Variants in MAP4K4 observed in about 807,000 individuals in gnomAD.
The protein encoded by MAP4K4 is HPK/GCK-like kinase HGK.
MAP4K4 carries 38 observed loss-of-function variants against 189.6 expected under a neutral mutation model. That is an observed-to-expected ratio of 0.20 (90% CI 0.15 to 0.26). The LOEUF is 0.26. Ranked by LOEUF, MAP4K4 falls within the 10% of genes least tolerant of loss-of-function variation. The pLI, the probability that MAP4K4 is intolerant of heterozygous loss-of-function variation, is 1.00. For missense variants in MAP4K4, 1,054 were observed against 1,726.9 expected (o/e 0.61, Z 6.91); for synonymous variants, 610 against 624.3 (o/e 0.98, Z 0.34).
chr2:101,870,588 C>A, intron 23 of MAP4K4, 173 bp downstream of exon 23: 1 of 778,584 alleles, frequency 1.3e-6, no homozygotes, highest in Non-Finnish European at 2.0e-6. Context: ...GTACTGCATG[C>A]CCAGAAGGTA....
intron 10 of MAP4K4, among the ~76,000 whole-genome samples, chr2:101,841,060 T>A (rs571975500): frequency 6.6e-6 from 1 of 152,324 alleles, no homozygotes; most frequent in Non-Finnish European, 1.5e-5. Flanking sequence ...TGACTTGACT[T>A]AGTAATAATA....
chr2:101,844,387 GA>G, intron 12 of MAP4K4, 76 bp downstream of exon 12: 31 of 1,207,986 alleles, frequency 2.6e-5, no homozygotes, highest in Non-Finnish European at 3.5e-5. Context: ...CCACTCAGAG[GA>G]ATATCCTCTG....
intron 2 of MAP4K4, among the ~76,000 whole-genome samples, chr2:101,779,879 G>A (rs1397984340): frequency 1.3e-5 from 2 of 151,760 alleles, no homozygotes; most frequent in African/African-American, 4.8e-5. Context: ...TACAGCATAG[G>A]CAAATTAAGA....
chr2:101,709,477 A>G (rs906001990), intron 2 of MAP4K4, among the ~76,000 whole-genome samples: 1 of 152,234 alleles, frequency 6.6e-6, no homozygotes, highest in Non-Finnish European at 1.5e-5. Context: ...TGCTGGGATT[A>G]CAGGCGTGAG....
intron 2 of MAP4K4, among the ~76,000 whole-genome samples, chr2:101,714,513 A>G (rs1045968406): frequency 2.6e-5 from 4 of 152,230 alleles, no homozygotes; most frequent in Admixed American, 2.6e-4. Context: ...ATTATGTTAT[A>G]TAACTAATCA....
chr2:101,773,871 A>G (rs1220030976), intron 2 of MAP4K4, among the ~76,000 whole-genome samples: 10 of 152,204 alleles, frequency 6.6e-5, no homozygotes, highest in Non-Finnish European at 1.3e-4. Context: ...TTCGCTTAAC[A>G]TAGTGATCTC....
At chr2:101,806,571 G>A (rs889357513) in intron 3 of MAP4K4, among the ~76,000 whole-genome samples, 2 of 151,996 alleles carry the variant, frequency 1.3e-5, no homozygotes, top group African/African-American at 2.4e-5. Context: ...GTAGAGACAG[G>A]GTTTTATCAT....
intron 2 of MAP4K4, among the ~76,000 whole-genome samples, chr2:101,699,926 A>G (rs2037335728): frequency 6.6e-6 from 1 of 152,208 alleles, no homozygotes; most frequent in Admixed American, 6.5e-5. Context: ...ATTTTGGAAA[A>G]GATTGTGTTG....
intron 22 of MAP4K4, 159 bp from the exon 23 acceptor site, chr2:101,870,136 C>A (rs1361042884): frequency 5.6e-6 from 4 of 715,038 alleles, no homozygotes; most frequent in Non-Finnish European, 8.9e-6. Context: ...GAAAGAAATT[C>A]TTTGTTAAAG....
At chr2:101,865,316 A>T (rs1251201937) in intron 18 of MAP4K4, among the ~76,000 whole-genome samples, 1 of 152,152 alleles carries the variant, frequency 6.6e-6, no homozygotes, top group Non-Finnish European at 1.5e-5. Flanking sequence ...GAAGGGGGAG[A>T]AGTTCTAAGA....
intron 32 of MAP4K4, among the ~76,000 whole-genome samples, chr2:101,890,527 G>A (rs1296977189): frequency 1.3e-5 from 2 of 152,126 alleles, no homozygotes; most frequent in Non-Finnish European, 2.9e-5. Context: ...CGTGATCTCG[G>A]CTCACTGCAA....
At chr2:101,816,168 C>A (rs1286561402) in intron 3 of MAP4K4, among the ~76,000 whole-genome samples, 1 of 152,162 alleles carries the variant, frequency 6.6e-6, no homozygotes, top group African/African-American at 2.4e-5. Context: ...GGTCACTGCC[C>A]TTATGGCCTG....
At chr2:101,846,185 T>G (rs1045068448) in intron 12 of MAP4K4, among the ~76,000 whole-genome samples, 2 of 152,226 alleles carry the variant, frequency 1.3e-5, no homozygotes, top group African/African-American at 2.4e-5. Flanking sequence ...ATTTGCAAAT[T>G]CCTTGTGGTA....
At chr2:101,776,471 A>G (rs2084179594) in intron 2 of MAP4K4, among the ~76,000 whole-genome samples, 1 of 152,106 alleles carries the variant, frequency 6.6e-6, no homozygotes, top group African/African-American at 2.4e-5. Flanking sequence ...AGCTTTAACA[A>G]ATCTGTTTTT....
intron 2 of MAP4K4, among the ~76,000 whole-genome samples, chr2:101,727,390 T>C (rs1411201481): frequency 6.6e-6 from 1 of 152,230 alleles, no homozygotes; most frequent in African/African-American, 2.4e-5. Context: ...CAAATACTAT[T>C]AATATAATCT....
At chr2:101,829,533 G>C in exon 6 of MAP4K4, 1 of 1,611,358 alleles carries the variant, frequency 6.2e-7, no homozygotes, top group Non-Finnish European at 8.5e-7. Flanking sequence ...TTCATCATGT[G>C]ATTCACCGGG....
intron 26 of MAP4K4, 106 bp downstream of exon 26, chr2:101,874,358 G>T (rs2098136948): frequency 1.0e-6 from 1 of 986,440 alleles, no homozygotes; most frequent in South Asian, 1.7e-5. Flanking sequence ...CAGGATGGAA[G>T]ACTTCTATGA....
At chr2:101,867,179 G>A (rs753070017) in intron 19 of MAP4K4, 33 bp from the exon 20 acceptor site, 23 of 1,381,994 alleles carry the variant, frequency 1.7e-5, no homozygotes, top group Admixed American at 7.4e-5. Flanking sequence ...GTTGATATGT[G>A]TCTGTCCATC....
chr2:101,819,227 T>G (rs1175023234), intron 3 of MAP4K4, among the ~76,000 whole-genome samples: 1 of 152,006 alleles, frequency 6.6e-6, no homozygotes, highest in East Asian at 1.9e-4. Flanking sequence ...GGTGGTGGTA[T>G]GTGTGTATGT....
Sources: gnomAD v4.1 joint callset for allele counts (sites outside exome capture counted in the v4.1 genomes callset) on GRCh38, gnomAD v4.1.1 for gene constraint, MANE v1.5 for transcripts, NCBI Gene and HGNC (gene_info 2026-07-23, HGNC 2026-07-21) for gene names.